Variants in TOP1MT observed in about 807,000 individuals in gnomAD.
The protein encoded by TOP1MT is DNA topoisomerase I, mitochondrial.
Under a neutral mutation model 73.9 loss-of-function variants are expected in TOP1MT, and 80 were observed. The observed-to-expected ratio is 1.08, with a 90% CI of 0.90 to 1.30. The LOEUF is 1.30. TOP1MT is among the 50% of genes most tolerant of loss of function. The pLI is 0.00. For missense variants in TOP1MT, 815 were observed against 808.0 expected (o/e 1.01, Z -0.10); for synonymous variants, 338 against 326.4 (o/e 1.04, Z -0.38).
chr8:143,331,531 G>A (rs925895533), intron 1 of TOP1MT, among the ~76,000 whole-genome samples, 192 bp from the exon 2 acceptor site: 5 of 152,136 alleles, frequency 3.3e-5, no homozygotes, highest in Non-Finnish European at 5.9e-5. Flanking sequence ...CCGTGTACCC[G>A]CCCATGCCCC....
intron 7 of TOP1MT, among the ~76,000 whole-genome samples, chr8:143,322,825 GCCACACACGCACA>G (rs1298024948): frequency 3.8e-4 from 19 of 49,988 alleles, no homozygotes; most frequent in African/African-American, 6.9e-4. Flanking sequence ...ACACAGGCAC[GCCACACACGCACA>G]CCACACACGC....
chr8:143,323,347 TGCACGCCACACCCACAG>T (rs1816586955), intron 7 of TOP1MT, among the ~76,000 whole-genome samples: 2 of 31,572 alleles, frequency 6.3e-5, no homozygotes, highest in African/African-American at 2.5e-4. Flanking sequence ...GCCACACACA[TGCACGCCACACCCACAG>T]GCACGCCACA....
At chr8:143,315,241 C>T (rs1374679324) in intron 12 of TOP1MT, among the ~76,000 whole-genome samples, 1 of 152,212 alleles carries the variant, frequency 6.6e-6, no homozygotes, top group African/African-American at 2.4e-5. Flanking sequence ...AGTGGTCATG[C>T]TCCTAGTCTG....
At chr8:143,319,673 A>T in intron 8 of TOP1MT, among the ~76,000 whole-genome samples, 1 of 151,702 alleles carries the variant, frequency 6.6e-6, no homozygotes, top group Admixed American at 6.6e-5. Context: ...CCCTCTGGGC[A>T]TCTATGCTGG....
At chr8:143,359,118 A>T, upstream of TOP1MT, 1 of 645,798 alleles carries the variant, frequency 1.5e-6, no homozygotes, top group Non-Finnish European at 1.9e-6. Flanking sequence ...CTGGGATTAT[A>T]GGTGTGAGCC....
At chr8:143,317,446 C>T (rs1396562887) in intron 10 of TOP1MT, among the ~76,000 whole-genome samples, 3 of 152,222 alleles carry the variant, frequency 2.0e-5, no homozygotes, top group African/African-American at 7.2e-5. Flanking sequence ...TGAGGAACAC[C>T]ACCAGGCCAT....
rs1586771025 is a variant in TOP1MT at position 143,331,219 on chromosome 8, C to T, written c.238+5G>A. On this transcript the variant is annotated splice_donor_5th_base_variant and intron_variant, in intron 2 of 13. Transcript: ENST00000329245. ...CTGGGGAGGAGCCGCTCCCTGCATCCTTACCTTCATAGAAGAAACGCACTC... is the reference window on the plus strand; with the variant it reads ...CTGGGGAGGAGCCGCTCCCTGCATCTTTACCTTCATAGAAGAAACGCACTC... 6.3e-7 allele frequency: 1 copy of T among 1,599,212 alleles called. No homozygotes were observed. The highest frequency in any genetic ancestry group is 2.2e-5 in the East Asian group (1 of 44,556).
upstream of TOP1MT, among the ~76,000 whole-genome samples, chr8:143,356,769 G>C (rs1817415012): frequency 9.9e-6 from 1 of 100,518 alleles, no homozygotes; most frequent in Non-Finnish European, 1.8e-5. Context: ...CTGGGCAACA[G>C]AGTGAGACTC....
chr8:143,342,171 GTTATTATTAGAGACAGTCTCGCTGTTA>G (rs1222996467), intron 2 of TOP1MT, among the ~76,000 whole-genome samples: 9 of 109,924 alleles, frequency 8.2e-5, no homozygotes, highest in East Asian at 2.5e-4. Context: ...GTCTCGCTCT[GTTATTATTAGAGACAGTCTCGCTGTTA>G]TTATTATTAT....
chr8:143,309,755 T>C (rs13277302), intron 13 of TOP1MT: 851,846 of 1,532,824 alleles, frequency 0.56, 241,951 homozygotes, highest in East Asian at 0.78. Context: ...TGCTGTGGCC[T>C]AGGTGTCCAC....
chr8:143,345,275 C>A (rs1817200938), upstream of TOP1MT, among the ~76,000 whole-genome samples: 1 of 152,232 alleles, frequency 6.6e-6, no homozygotes, highest in African/African-American at 2.4e-5. Context: ...GCCCACAAGC[C>A]CACTGGCAGC....
chr8:143,322,997 A>C (rs1816551175), intron 7 of TOP1MT, among the ~76,000 whole-genome samples: 1 of 113,632 alleles, frequency 8.8e-6, no homozygotes, highest in East Asian at 3.2e-4. Flanking sequence ...CACGCACGCC[A>C]CACACAGGCA....
At chr8:143,330,612 GT>G (rs1326362461) in intron 2 of TOP1MT, among the ~76,000 whole-genome samples, 3 of 152,208 alleles carry the variant, frequency 2.0e-5, no homozygotes, top group South Asian at 2.1e-4. Flanking sequence ...GGGAGAAGAG[GT>G]TTGCTTTTCT....
At chr8:143,345,495 G>A (rs200608907), upstream of TOP1MT, among the ~76,000 whole-genome samples, 8 of 152,356 alleles carry the variant, frequency 5.3e-5, no homozygotes, top group East Asian at 1.2e-3. Flanking sequence ...GCTGCCACGC[G>A]CGGCTGGGAG....
intron 7 of TOP1MT, among the ~76,000 whole-genome samples, chr8:143,323,061 GGCACACCACACAC>G (rs1816558715): frequency 2.3e-5 from 1 of 43,362 alleles, no homozygotes; most frequent in East Asian, 7.8e-4. Context: ...GCCACACACA[GGCACACCACACAC>G]GCACGCCACA....
At chr8:143,342,163 C>T (rs1173515162) in intron 2 of TOP1MT, among the ~76,000 whole-genome samples, 1 of 121,082 alleles carries the variant, frequency 8.3e-6, no homozygotes, top group Non-Finnish European at 1.6e-5. Flanking sequence ...GAGACAGAGT[C>T]TCGCTCTGTT....
At chr8:143,332,754 C>T (rs185658818) in intron 1 of TOP1MT, 105 of 391,404 alleles carry the variant, frequency 2.7e-4, no homozygotes, top group South Asian at 1.7e-3. Flanking sequence ...AGGGTGGAGC[C>T]GGGCGTGGTG....
At chr8:143,342,467 G>A (rs1224126458) in intron 2 of TOP1MT, among the ~76,000 whole-genome samples, 2 of 82,768 alleles carry the variant, frequency 2.4e-5, no homozygotes, top group African/African-American at 1.5e-4. Flanking sequence ...GTCTCGCTCT[G>A]TTATTATTAT....
At chr8:143,347,389 T>C (rs1369839907), upstream of TOP1MT, among the ~76,000 whole-genome samples, 1 of 152,102 alleles carries the variant, frequency 6.6e-6, no homozygotes, top group African/African-American at 2.4e-5. Flanking sequence ...TCTCCTGACC[T>C]CGTGATCCGC....
Sources: gnomAD v4.1 joint callset for allele counts (sites outside exome capture counted in the v4.1 genomes callset) on GRCh38, gnomAD v4.1.1 for gene constraint, MANE v1.5 for transcripts, NCBI Gene and HGNC (gene_info 2026-07-23, HGNC 2026-07-21) for gene names.